Variants in ZNF277 observed in about 807,000 individuals in gnomAD.
The protein encoded by ZNF277 is zinc finger protein 277, also known as nuclear receptor-interacting factor 4.
ZNF277 carries 55 observed loss-of-function variants against 60.7 expected under a neutral mutation model. That is an observed-to-expected ratio of 0.91 (90% CI 0.73 to 1.13). The LOEUF (loss-of-function observed/expected upper bound fraction) is 1.13. Ranked by LOEUF, ZNF277 falls within the 50% of genes most tolerant of loss-of-function variation. The pLI is 0.00. For missense variants in ZNF277, 510 were observed against 523.0 expected (o/e 0.98, Z 0.24); for synonymous variants, 178 against 179.3 (o/e 0.99, Z 0.06).
Position 112,318,293 on chromosome 7 carries a change from T to G in ZNF277, c.557+20T>G. 1 of 1,592,654 alleles carries G rather than the reference T, an allele frequency of 6.3e-7. No individual in the cohort carries two copies. The highest frequency in any genetic ancestry group is 8.6e-7 in the Non-Finnish European group (1 of 1,160,866). ...AAACAGGTTTGCCATTTTGCATCTT[T>G]AAATGTTACTGTTTTTAATCTGAAA... On this transcript the variant is annotated intron_variant, in intron 5 of 11. Coordinates refer to ENST00000361822, the MANE Select transcript of ZNF277 (RefSeq NM_021994.3).
intron 7 of ZNF277, among the ~76,000 whole-genome samples, chr7:112,332,695 G>A (rs868164030): frequency 1.3e-5 from 2 of 151,916 alleles, no homozygotes; most frequent in Non-Finnish European, 2.9e-5. Flanking sequence ...ATTCCTATGC[G>A]AAATTCCTGC....
chr7:112,303,538 T>C (rs1306457354), intron 4 of ZNF277, among the ~76,000 whole-genome samples: 3 of 152,044 alleles, frequency 2.0e-5, no homozygotes, highest in Non-Finnish European at 2.9e-5. Flanking sequence ...TGCTGATAGC[T>C]TTCTTTTTCC....
chr7:112,288,091 G>A (rs1162539912), intron 2 of ZNF277: 1 of 152,156 alleles, frequency 6.6e-6, no homozygotes, highest in Non-Finnish European at 1.5e-5. Flanking sequence ...ACACTCAAAA[G>A]GCAGTGTTTG....
At chr7:112,257,146 C>A (rs1791332762) in intron 1 of ZNF277, among the ~76,000 whole-genome samples, 1 of 152,178 alleles carries the variant, frequency 6.6e-6, no homozygotes, top group African/African-American at 2.4e-5. Context: ...ATAATCAATA[C>A]AATATTACTT....
At chr7:112,337,222 C>T (rs1399934117) in intron 8 of ZNF277, among the ~76,000 whole-genome samples, 3 of 152,206 alleles carry the variant, frequency 2.0e-5, no homozygotes, top group African/African-American at 7.2e-5. Context: ...TTTGAGTTCC[C>T]TGTCTACCGC....
intron 1 of ZNF277, among the ~76,000 whole-genome samples, chr7:112,274,432 G>A (rs1441713102): frequency 6.6e-6 from 1 of 152,104 alleles, no homozygotes; most frequent in Non-Finnish European, 1.5e-5. Flanking sequence ...GCTGTGATTA[G>A]AAGCATGAGC....
chr7:112,269,333 A>G (rs891482015), intron 1 of ZNF277, among the ~76,000 whole-genome samples: 1 of 151,824 alleles, frequency 6.6e-6, no homozygotes, highest in Non-Finnish European at 1.5e-5. Flanking sequence ...GAGTGGTACT[A>G]TGTTACCTTT....
At chr7:112,221,594 G>C (rs1321609255) in intron 1 of ZNF277, among the ~76,000 whole-genome samples, 1 of 152,212 alleles carries the variant, frequency 6.6e-6, no homozygotes, top group Non-Finnish European at 1.5e-5. Flanking sequence ...CCCTGAGCTT[G>C]TTTTCCTGCA....
At chr7:112,208,969 G>A (rs562982935) in intron 1 of ZNF277, among the ~76,000 whole-genome samples, 10 of 152,190 alleles carry the variant, frequency 6.6e-5, no homozygotes, top group African/African-American at 2.4e-4. Context: ...GTAAGCCACC[G>A]CGCCCGGCCT....
chr7:112,241,723 A>G (rs1258954109), intron 1 of ZNF277, among the ~76,000 whole-genome samples: 2 of 152,112 alleles, frequency 1.3e-5, no homozygotes, highest in African/African-American at 4.8e-5. Flanking sequence ...GAATTGGAGG[A>G]CATTTTGTTA....
chr7:112,313,217 T>A (rs1455707595), intron 4 of ZNF277, among the ~76,000 whole-genome samples: 1 of 152,150 alleles, frequency 6.6e-6, no homozygotes, highest in Non-Finnish European at 1.5e-5. Flanking sequence ...TTGCATCTTC[T>A]ATTTTGCTCA....
rs561783087 is a variant in ZNF277 at position 112,314,442 on chromosome 7, C to T, written c.466-3740C>T. Among the ~76,000 whole-genome samples, 16 of 152,158 alleles carry T rather than the reference C, an allele frequency of 1.1e-4. No individual in the cohort carries two copies. In the South Asian group the frequency reaches 2.5e-3, roughly 24 times the overall value. ...AACTAAATAGTGTCATATGTTCTTG[C>T]TATTCCCTATAACATAGGATTGTAT... On this transcript the variant is annotated intron_variant, in intron 4 of 11. Transcript: ENST00000361822.
At chr7:112,258,934 A>G (rs1281909940) in intron 1 of ZNF277, among the ~76,000 whole-genome samples, 1 of 152,012 alleles carries the variant, frequency 6.6e-6, no homozygotes, top group Non-Finnish European at 1.5e-5. Flanking sequence ...TTTCCATGTT[A>G]GCAAATTGAT....
intron 9 of ZNF277, among the ~76,000 whole-genome samples, chr7:112,339,133 C>T (rs887658918): frequency 2.0e-5 from 3 of 152,118 alleles, no homozygotes; most frequent in African/African-American, 7.2e-5. Context: ...TAAAAATTAC[C>T]TATGTGGGGC....
chr7:112,232,152 G>A (rs1251271970), intron 1 of ZNF277, among the ~76,000 whole-genome samples: 3 of 150,438 alleles, frequency 2.0e-5, no homozygotes, highest in Non-Finnish European at 4.4e-5. Context: ...CTGGACAGAT[G>A]ATTTTAAAAG....
At position 112,265,900 on chromosome 7, in the gene ZNF277, T is replaced by C. The variant is rs1299158542; in HGVS notation, c.92-20973T>C. On this transcript the variant is annotated intron_variant, in intron 1 of 11. Coordinates refer to ENST00000361822, the MANE Select transcript of ZNF277 (RefSeq NM_021994.3). ...AGAAGTAAAGAAGATCACTGAGAGCTGTTCCTTTACATTTTGAATGAGAGG... is the reference window on the plus strand; with the variant it reads ...AGAAGTAAAGAAGATCACTGAGAGCCGTTCCTTTACATTTTGAATGAGAGG... Among the ~76,000 whole-genome samples, 6 of 152,268 alleles carry C rather than the reference T, an allele frequency of 3.9e-5. No homozygotes were observed. The East Asian group carries it at 1.2e-3, about 29-fold the overall frequency.
chr7:112,217,311 G>A (rs1351563859), intron 1 of ZNF277, among the ~76,000 whole-genome samples: 1 of 152,128 alleles, frequency 6.6e-6, no homozygotes. Context: ...ACAAAGGGAG[G>A]GAGCAATAGA....
intron 1 of ZNF277, among the ~76,000 whole-genome samples, chr7:112,264,234 C>G (rs926666413): frequency 6.6e-6 from 1 of 151,722 alleles, no homozygotes; most frequent in Non-Finnish European, 1.5e-5. Flanking sequence ...ATTCAAAACC[C>G]GTTGCCCTGG....
chr7:112,324,293 G>A (rs1584411389), intron 5 of ZNF277, among the ~76,000 whole-genome samples: 1 of 152,086 alleles, frequency 6.6e-6, no homozygotes, highest in East Asian at 1.9e-4. Flanking sequence ...ATTGCATATT[G>A]CACTGAAAGT....
Sources: gnomAD v4.1 joint callset for allele counts (sites outside exome capture counted in the v4.1 genomes callset) on GRCh38, gnomAD v4.1.1 for gene constraint, MANE v1.5 for transcripts, NCBI Gene and HGNC (gene_info 2026-07-23, HGNC 2026-07-21) for gene names.